TAGAP: variants seen among roughly 807,000 people sequenced by gnomAD.
The protein encoded by TAGAP is T-cell activation Rho GTPase-activating protein.
TAGAP carries 16 observed loss-of-function variants against 36.0 expected under a neutral mutation model. The observed-to-expected ratio is 0.44, with a 90% confidence interval of 0.30 to 0.68. The LOEUF (loss-of-function observed/expected upper bound fraction) is 0.68, where lower values mean the gene tolerates loss of function less well. Ranked by LOEUF, TAGAP falls within the 30% of genes least tolerant of loss-of-function variation. The pLI, the probability that TAGAP is intolerant of heterozygous loss-of-function variation, is 0.09. For missense variants in TAGAP, 794 were observed against 921.5 expected (o/e 0.86, Z 1.79); for synonymous variants, 372 against 377.4 (o/e 0.99, Z 0.17).
rs112913154 is a variant in TAGAP, at chr6:159,038,162, G to A, written c.850C>T (p.His284Tyr). Residue 284 changes from histidine to tyrosine, a missense_variant, in exon 9 of 10, where the codon CAT becomes TAT. By Grantham distance (83) the His-to-Tyr change is moderately conservative. Coordinates refer to ENST00000367066, the MANE Select transcript of TAGAP (RefSeq NM_054114.5). ...GAGTCATCAGAAGTGATACTGGAAT[G>A]CACTGGAATGTTCTCCCCAAATATT... ...FEIFGENIPV[H>Y]SSITSDDSLE... The A allele has an allele frequency of 4.4e-4, 712 of 1,613,258 alleles. 4 individuals are homozygous for A. In the African/African-American group the frequency reaches 8.1e-3, roughly 18 times the overall value.
chr6:159,038,265 CTTTTTTTTTTTT>C (rs559846736), intron 8 of TAGAP, 37 bp from the exon 9 acceptor site: 116 of 459,828 alleles, frequency 2.5e-4, no homozygotes, highest in South Asian at 3.8e-4. Context: ...AGCTTGAAGA[CTTTTTTTTTTTT>C]TTTTTTTTTT....
Position 159,038,247 on chromosome 6 carries a change from A to G in TAGAP, c.784-19T>C. On this transcript the variant is annotated intron_variant, in intron 8 of 9. Coordinates refer to ENST00000367066, the MANE Select transcript of TAGAP (RefSeq NM_054114.5). ...TCTTCACCTGTGAGGAAAAGTAAGC[A>G]ATTTGTCAGCTTGAAGACTTTTTTT... is the stretch of plus-strand genomic sequence containing the variant. 7.7e-7 allele frequency: 1 copy of G among 1,297,480 alleles called. No individual in the cohort carries two copies. The highest frequency in any genetic ancestry group is 1.1e-6 in the Non-Finnish European group (1 of 906,960). The allele number at this position is 1,297,480 out of a possible 1,614,324, so 80.4% of individuals were successfully genotyped here.
intron 4 of TAGAP, 63 bp downstream of exon 4, chr6:159,043,526 T>C (rs1779828612): frequency 1.3e-6 from 2 of 1,521,200 alleles, no homozygotes; most frequent in East Asian, 4.5e-5. Flanking sequence ...GCTGTGGTTT[T>C]GCAAACCAAG....
In TAGAP at chr6:159,036,793, G is replaced by T. The variant is rs564495672; in HGVS notation, c.1230C>A (p.Gly410=). Residue 410 remains glycine (G), a synonymous_variant, in exon 10 of 10, where the codon GGC becomes GGA. Coordinates refer to ENST00000367066, the MANE Select transcript of TAGAP (RefSeq NM_054114.5). This position sits in a 1 kb window ranked among gnomAD's most constrained non-coding sequence, Gnocchi z 4.9. The part of the protein sequence containing the change: ...SEGDFPVPRV[G]SRLESEEAED... ...CAGCCTCCTCACTTTCCAAACGAGA[G>T]CCTACCCGGGGCACGGGGAAGTCCC... 6.2e-7 allele frequency: 1 copy of T among 1,614,142 alleles called. No homozygotes were observed. Among genetic ancestry groups the T allele is most frequent in the Non-Finnish European group, 8.5e-7 (1 of 1,180,048 alleles).
At position 159,041,679 on chromosome 6, in the gene TAGAP, G is replaced by T; in HGVS notation, c.316-164C>A. 2 of 781,976 alleles carry T rather than the reference G, an allele frequency of 2.6e-6. No individual in the cohort carries two copies. The highest frequency in any genetic ancestry group is 3.9e-6 in the Non-Finnish European group (2 of 518,616). 48.4% of individuals were successfully genotyped at this position (781,976 alleles called of 1,614,324 possible). Reference sequence around the variant, plus strand: ...TTCTAAGAGGAGGCAAATTGTGAAAGCTCTAATTTTGCACTTTCTAAAATC... The same window carrying T: ...TTCTAAGAGGAGGCAAATTGTGAAATCTCTAATTTTGCACTTTCTAAAATC... On this transcript the variant is annotated intron_variant, in intron 5 of 9. Transcript: ENST00000367066. This position sits in a 1 kb window ranked among gnomAD's most constrained non-coding sequence, Gnocchi z 4.1.
chr6:159,038,043 G>T, intron 9 of TAGAP, 71 bp downstream of exon 9: 1 of 979,704 alleles, frequency 1.0e-6, no homozygotes, highest in Non-Finnish European at 1.6e-6. Context: ...TATCAGAGAT[G>T]CTTTACATGA....
rs368265576 is a variant in TAGAP at position 159,041,478 on chromosome 6, G to A, written c.353C>T (p.Thr118Met). Residue 118 changes from threonine to methionine, a missense_variant, in exon 6 of 10, where the codon ACG becomes ATG. Coordinates refer to ENST00000367066, the MANE Select transcript of TAGAP (RefSeq NM_054114.5). The surrounding 1 kb of genome is among the most constrained non-coding windows in gnomAD (Gnocchi z 4.1). ...LTILCLKGPSTEGIFRRAANE... is the reference protein window; with the variant it reads ...LTILCLKGPSMEGIFRRAANE... ...GGCTGCTCTCCTGAATATCCCTTCC[G>A]TTGAAGGGCCTTTAAGGCATAGAAT... 34 of 1,613,986 alleles carry A rather than the reference G, an allele frequency of 2.1e-5. No individual in the cohort carries two copies. The highest frequency in any genetic ancestry group is 3.3e-5 in the South Asian group (3 of 91,084).
rs116639718 is a variant in TAGAP, at chr6:159,036,398, C to T, written c.1625G>A (p.Gly542Asp). ...QDFTRDHVPR[G>D]VRKESQLAGR... Reference sequence around the variant, plus strand: ...GGCAAGCTGGCTTTCCTTTCTGACACCCCTCGGGACGTGGTCCCTGGTAAA... The same window carrying T: ...GGCAAGCTGGCTTTCCTTTCTGACATCCCTCGGGACGTGGTCCCTGGTAAA... Residue 542 changes from glycine (G) to aspartate (D), a missense_variant, in exon 10 of 10, where the codon GGT becomes GAT. By Grantham distance (94) the Gly-to-Asp change is moderately conservative. Coordinates refer to ENST00000367066, the MANE Select transcript of TAGAP (RefSeq NM_054114.5). This position sits in a 1 kb window ranked among gnomAD's most constrained non-coding sequence, Gnocchi z 4.9. 1.0e-3 allele frequency: 1,608 copies of T among 1,614,158 alleles called. 16 individuals carry two copies. In the African/African-American group the frequency reaches 0.019, roughly 19 times the overall value.
Position 159,041,154 on chromosome 6 carries a change from G to A in TAGAP, c.477+200C>T. 1 of 692,614 alleles carries A rather than the reference G, an allele frequency of 1.4e-6. No individual in the cohort carries two copies. The highest frequency in any genetic ancestry group is 2.4e-6 in the Non-Finnish European group (1 of 423,870). The allele number at this position is 692,614 out of a possible 1,614,324, so 42.9% of individuals were successfully genotyped here. A position where few individuals can be genotyped will look rare whatever the true frequency, so the allele number is the denominator to read the frequency against. ...TGGCAAAGTTTTGGGAGAGCAGAAT[G>A]CATCACTTTCTGTTGGAATCTGAGG... is the stretch of plus-strand genomic sequence containing the variant. On this transcript the variant is annotated intron_variant, in intron 6 of 9. Coordinates refer to ENST00000367066, the MANE Select transcript of TAGAP (RefSeq NM_054114.5). The surrounding 1 kb of genome is among the most constrained non-coding windows in gnomAD (Gnocchi z 4.1).
At chr6:159,040,629 G>C in intron 7 of TAGAP, 94 bp downstream of exon 7, 2 of 1,052,868 alleles carry the variant, frequency 1.9e-6, no homozygotes, top group Non-Finnish European at 2.9e-6. Flanking sequence ...AATTCTCATG[G>C]AACAGGGATC....
At position 159,036,851 on chromosome 6, in the gene TAGAP, C is replaced by T. The variant is rs1424366220; in HGVS notation, c.1172G>A (p.Arg391Gln). 25 of 1,614,082 alleles carry T rather than the reference C, an allele frequency of 1.5e-5. No individual in the cohort carries two copies. Among genetic ancestry groups the T allele is most frequent in the African/African-American group, 4.0e-5 (3 of 74,934 alleles). ...MPSSQECLES[R>Q]VTNQTLTKSE... ...CTTTGTTAGTGTTTGGTTTGTCACCCGGCTCTCGAGGCACTCCTGGGAGGA... is the reference window on the plus strand; with the variant it reads ...CTTTGTTAGTGTTTGGTTTGTCACCTGGCTCTCGAGGCACTCCTGGGAGGA... The change falls in exon 10 of 10, where the codon CGG (arginine) becomes CAG (glutamine). Residue 391 changes from arginine to glutamine, a missense_variant. Arg to Gln is a conservative substitution (Grantham distance 43, BLOSUM62 1). Coordinates refer to ENST00000367066, the MANE Select transcript of TAGAP (RefSeq NM_054114.5). This position sits in a 1 kb window ranked among gnomAD's most constrained non-coding sequence, Gnocchi z 4.9.
intron 6 of TAGAP, 58 bp from the exon 7 acceptor site, chr6:159,040,890 G>A (rs1779723824): frequency 7.9e-6 from 11 of 1,384,626 alleles, no homozygotes; most frequent in Non-Finnish European, 2.1e-6. Flanking sequence ...CCATGTCCTT[G>A]TTTTCACCCG....
At position 159,041,960 on chromosome 6, in the gene TAGAP, G is replaced by A; in HGVS notation, c.315+118C>T. The A allele has an allele frequency of 8.5e-7, 1 of 1,170,064 alleles. No individual in the cohort carries two copies. Among genetic ancestry groups the A allele is most frequent in the Non-Finnish European group, 1.2e-6 (1 of 821,252 alleles). 72.5% of individuals were successfully genotyped at this position (1,170,064 alleles called of 1,614,324 possible). A position where few individuals can be genotyped will look rare whatever the true frequency, so the allele number is the denominator to read the frequency against. On this transcript the variant is annotated intron_variant, in intron 5 of 9. Coordinates refer to ENST00000367066, the MANE Select transcript of TAGAP (RefSeq NM_054114.5). The surrounding 1 kb of genome is among the most constrained non-coding windows in gnomAD (Gnocchi z 4.1). ...ATGTGGGAGTGCCATGTTGAAGAGT[G>A]GAAAATATGGAAGATCAGTCCCTAC...
chr6:159,041,579 C>T lies in TAGAP; in HGVS notation c.316-64G>A. ...TTCTTCTTTAGTATACTGAGATAGT[C>T]TTAACAGGAATATTGATGTCAGATT... On this transcript the variant is annotated intron_variant, in intron 5 of 9. Transcript: ENST00000367066. This position sits in a 1 kb window ranked among gnomAD's most constrained non-coding sequence, Gnocchi z 4.1. The T allele has an allele frequency of 6.6e-7, 1 of 1,507,908 alleles. No homozygotes were observed. The highest frequency in any genetic ancestry group is 8.9e-7 in the Non-Finnish European group (1 of 1,121,860). 93.4% of individuals were successfully genotyped at this position (1,507,908 alleles called of 1,614,324 possible).
chr6:159,042,303 A>T (rs1236054745), intron 4 of TAGAP, 59 bp from the exon 5 acceptor site: 2 of 1,558,598 alleles, frequency 1.3e-6, no homozygotes, highest in Non-Finnish European at 8.7e-7. Flanking sequence ...AGAAGCAAAG[A>T]TCCAGGTAAG....
Position 159,044,002 on chromosome 6 carries a change from C to T in TAGAP, c.57G>A (p.Glu19=). ...ASKTLNANNM[E]TLIECQSEGD... ...CCTCTGATTGACATTCGATTAGTGTCTCCATATTATTGGCGTTTAGTGTTT... is the reference window on the plus strand; with the variant it reads ...CCTCTGATTGACATTCGATTAGTGTTTCCATATTATTGGCGTTTAGTGTTT... The change falls in exon 3 of 10, where the codon GAG becomes GAA. Residue 19 remains glutamate, a synonymous_variant. Transcript: ENST00000367066. The T allele has an allele frequency of 6.2e-7, 1 of 1,613,842 alleles. No homozygotes were observed. The highest frequency in any genetic ancestry group is 8.5e-7 in the Non-Finnish European group (1 of 1,179,860).
Position 159,040,597 on chromosome 6 carries a change from A to G in TAGAP, c.587+126T>C. ...GTTCTGGGAGTGGACGAGCAATTCC[A>G]CTCGGATTCCCTAAACATCACAATT... On this transcript the variant is annotated intron_variant, in intron 7 of 9. Coordinates refer to ENST00000367066, the MANE Select transcript of TAGAP (RefSeq NM_054114.5). The G allele has an allele frequency of 6.7e-6, 5 of 751,452 alleles. No homozygotes were observed. In the South Asian group the frequency reaches 8.3e-5, roughly 12 times the overall value. The allele number at this position is 751,452 out of a possible 1,614,324, so 46.5% of individuals were successfully genotyped here.
Position 159,044,986 on chromosome 6 carries a change from C to T in TAGAP, c.-166G>A, listed in dbSNP as rs890841961. The T allele has an allele frequency of 2.5e-6, 1 of 398,236 alleles. No homozygotes were observed. Among genetic ancestry groups the T allele is most frequent in the Non-Finnish European group, 4.4e-6 (1 of 225,908 alleles). 24.7% of individuals were successfully genotyped at this position (398,236 alleles called of 1,614,324 possible). On this transcript the variant is annotated 5_prime_UTR_variant, in exon 1 of 10. Coordinates refer to ENST00000367066, the MANE Select transcript of TAGAP (RefSeq NM_054114.5). ...CTAGTCCACTGGGAGAGAGAGAGACCGAGCCGGTCTCCCTTCACATGCTCT... is the reference window on the plus strand; with the variant it reads ...CTAGTCCACTGGGAGAGAGAGAGACTGAGCCGGTCTCCCTTCACATGCTCT...
rs1779543125 is a variant in TAGAP, at chr6:159,036,537, C to G, written c.1486G>C (p.Glu496Gln). The G allele has an allele frequency of 1.2e-6, 2 of 1,614,092 alleles. No homozygotes were observed. Among genetic ancestry groups the G allele is most frequent in the Non-Finnish European group, 1.7e-6 (2 of 1,180,044 alleles). Residue 496 changes from glutamate to glutamine, a missense_variant, in exon 10 of 10, where the codon GAG (glutamate) becomes CAG (glutamine). Glu to Gln is a conservative substitution (Grantham distance 29, BLOSUM62 2). Transcript: ENST00000367066. The surrounding 1 kb of genome is among the most constrained non-coding windows in gnomAD (Gnocchi z 4.9). ...SRHQSFTTKT[E>Q]KGKPSREIKK... ...ATTTCTCGGCTGGGCTTGCCTTTCT[C>G]TGTCTTTGTGGTGAAAGACTGATGT...
Sources: gnomAD v4.1 joint callset for allele counts on GRCh38, gnomAD v4.1.1 for gene constraint, Gnocchi (gnomAD v3.1) non-coding constraint, MANE v1.5 for transcripts, NCBI Gene and HGNC (gene_info 2026-07-23, HGNC 2026-07-21) for gene names.